Variants in TMTC2 observed in about 807,000 individuals in gnomAD.
TMTC2 encodes the protein transmembrane O-mannosyltransferase targeting cadherins 2.
A neutral mutation model predicts 82.4 loss-of-function variants in TMTC2; 43 were observed. The observed-to-expected ratio is 0.52, with a 90% CI of 0.41 to 0.67. The LOEUF (loss-of-function observed/expected upper bound fraction) is 0.67, where lower values mean the gene tolerates loss of function less well. Ranked by LOEUF, TMTC2 falls within the 30% of genes least tolerant of loss-of-function variation. The pLI is 0.00. For synonymous variants in TMTC2, 408 were observed against 381.9 expected (o/e 1.07, Z -0.80); for missense variants, 919 against 1,012.4 (o/e 0.91, Z 1.25).
At chr12:82,701,355 G>A (rs190836231) in intron 1 of TMTC2, among the ~76,000 whole-genome samples, 69 of 152,194 alleles carry the variant, frequency 4.5e-4, no homozygotes, top group Non-Finnish European at 5.4e-4. Flanking sequence ...TAAAAGCTCT[G>A]TTTGAATCCT....
In TMTC2 at chr12:82,919,985, A is replaced by G. The variant is rs189244086; in HGVS notation, c.1484-10446A>G. Among the ~76,000 whole-genome samples the G allele has an allele frequency of 1.6e-4, 25 of 151,876 alleles. No individual in the cohort carries two copies. In the East Asian group the frequency reaches 3.1e-3, roughly 19 times the overall value. Reference sequence around the variant, plus strand: ...TCTAGCCTGATTCTCCAAATTTCCAACCTCCACCCGTTATGCAGTTCCAAA... The same window carrying G: ...TCTAGCCTGATTCTCCAAATTTCCAGCCTCCACCCGTTATGCAGTTCCAAA... On this transcript the variant is annotated intron_variant, in intron 3 of 11. Coordinates refer to ENST00000321196, the MANE Select transcript of TMTC2 (RefSeq NM_152588.3).
At position 82,687,601 on chromosome 12, in the gene TMTC2, G is replaced by C. The variant is rs1373253405; in HGVS notation, c.15G>C (p.Leu5Phe). 1 of 1,600,210 alleles carries C rather than the reference G, an allele frequency of 6.2e-7. No homozygotes were observed. The highest frequency in any genetic ancestry group is 1.3e-5 in the African/African-American group (1 of 74,856). Residue 5 changes from leucine to phenylalanine, a missense_variant, in exon 1 of 12, where the codon TTG becomes TTC. Transcript: ENST00000321196. MIAE[L>F]VSSALGLALY... ...GCGGTGGAGAGATGATTGCAGAGTT[G>C]GTGAGCAGCGCTCTGGGGCTCGCCT... is the stretch of plus-strand genomic sequence containing the variant.
At chr12:83,077,479 A>C (rs915198081) in intron 11 of TMTC2, among the ~76,000 whole-genome samples, 2 of 152,162 alleles carry the variant, frequency 1.3e-5, no homozygotes, top group Non-Finnish European at 2.9e-5. Context: ...CTTCAATTCT[A>C]TATGAAGGCT....
At chr12:82,928,861 G>T (rs2137240227) in intron 3 of TMTC2, among the ~76,000 whole-genome samples, 1 of 152,292 alleles carries the variant, frequency 6.6e-6, no homozygotes, top group East Asian at 1.9e-4. Flanking sequence ...TCCATTGGAA[G>T]CAAAGAAGGT....
At chr12:82,993,693 C>T (rs1879494400) in intron 8 of TMTC2, among the ~76,000 whole-genome samples, 1 of 152,180 alleles carries the variant, frequency 6.6e-6, no homozygotes, top group East Asian at 1.9e-4. Context: ...CTCTAACCCT[C>T]ACATTGTTCA....
At chr12:82,873,328 C>A (rs1872310956) in intron 2 of TMTC2, among the ~76,000 whole-genome samples, 2 of 150,814 alleles carry the variant, frequency 1.3e-5, no homozygotes, top group Admixed American at 6.6e-5. Flanking sequence ...TGGTTAAAGT[C>A]TTGTGAAGCC....
At chr12:83,006,183 C>T (rs1880194988) in intron 8 of TMTC2, among the ~76,000 whole-genome samples, 1 of 152,134 alleles carries the variant, frequency 6.6e-6, no homozygotes, top group Non-Finnish European at 1.5e-5. Context: ...GGAGTCCTTC[C>T]TGTAGGTCGG....
rs570379473 is a variant in TMTC2, at chr12:82,763,508, C to G, written c.83+75839C>G. Among the ~76,000 whole-genome samples the G allele has an allele frequency of 2.0e-5, 3 of 152,304 alleles. No homozygotes were observed. The South Asian group carries it at 6.2e-4, about 32-fold the overall frequency. ...CCTTTGAAAACTTGAGAAAATGTTT[C>G]ATACCCAGCTCTGGTCTTTTAAAGA... On this transcript the variant is annotated intron_variant, in intron 1 of 11. Transcript: ENST00000321196.
chr12:82,917,664 C>A (rs1338820660), intron 3 of TMTC2, among the ~76,000 whole-genome samples: 1 of 151,676 alleles, frequency 6.6e-6, no homozygotes, highest in Non-Finnish European at 1.5e-5. Context: ...TGCAGTGGTA[C>A]CATTTCGTCT....
intron 1 of TMTC2, among the ~76,000 whole-genome samples, chr12:82,835,917 C>T (rs1185314154): frequency 1.3e-5 from 2 of 152,212 alleles, no homozygotes; most frequent in Non-Finnish European, 2.9e-5. Flanking sequence ...TAAAGCCCTT[C>T]TCCAGTGCTG....
intron 2 of TMTC2, among the ~76,000 whole-genome samples, chr12:82,893,985 G>T (rs1380012154): frequency 6.6e-6 from 1 of 152,224 alleles, no homozygotes; most frequent in African/African-American, 2.4e-5. Context: ...GATATATTTG[G>T]ACGTGAAAGT....
intron 1 of TMTC2, among the ~76,000 whole-genome samples, chr12:82,815,555 G>T (rs999405238): frequency 1.3e-5 from 2 of 151,846 alleles, no homozygotes; most frequent in Admixed American, 6.6e-5. Flanking sequence ...CTCATGATCC[G>T]CCCACTTCGG....
intron 8 of TMTC2, among the ~76,000 whole-genome samples, chr12:83,011,585 C>T (rs1348720692): frequency 6.6e-6 from 1 of 152,114 alleles, no homozygotes; most frequent in Non-Finnish European, 1.5e-5. Flanking sequence ...ACCATCATTG[C>T]CCACAGTATT....
At chr12:82,809,016 AAAG>A (rs59834822) in intron 1 of TMTC2, among the ~76,000 whole-genome samples, 2,746 of 150,540 alleles carry the variant, frequency 0.018, 87 homozygotes, top group African/African-American at 0.063. Flanking sequence ...TTTTTCTAGG[AAAG>A]AAGCTATCTT....
At chr12:82,784,461 A>G (rs1878076104) in intron 1 of TMTC2, among the ~76,000 whole-genome samples, 1 of 152,088 alleles carries the variant, frequency 6.6e-6, no homozygotes, top group African/African-American at 2.4e-5. Context: ...CTATGATCGC[A>G]CGGCCTGATA....
intron 1 of TMTC2, among the ~76,000 whole-genome samples, chr12:82,853,619 T>A (rs974199515): frequency 1.3e-4 from 20 of 152,208 alleles, no homozygotes; most frequent in African/African-American, 4.8e-4. Flanking sequence ...GTCATGGCAT[T>A]GAACTAATAG....
rs370844777 is a variant in TMTC2 at position 82,990,085 on chromosome 12, C to A, written c.2070+4039C>A. Among the ~76,000 whole-genome samples the A allele has an allele frequency of 4.6e-5, 7 of 152,250 alleles. No individual in the cohort carries two copies. In the East Asian group the frequency reaches 1.2e-3, roughly 25 times the overall value. On this transcript the variant is annotated intron_variant, in intron 8 of 11. Transcript: ENST00000321196. ...ATTTGCAAAGGTAGAAAATACCACACATTTTGACTTCTGAATGCTTTAAAT... is the reference window on the plus strand; with the variant it reads ...ATTTGCAAAGGTAGAAAATACCACAAATTTTGACTTCTGAATGCTTTAAAT...
rs746504622 is a variant in TMTC2, at chr12:82,857,032, G to A, written c.106G>A (p.Asp36Asn). Residue 36 changes from aspartate (D) to asparagine (N), a missense_variant, in exon 2 of 12, where the codon GAC (aspartate) becomes AAC (asparagine). Asp to Asn is a conservative substitution (Grantham distance 23, BLOSUM62 1). Coordinates refer to ENST00000321196, the MANE Select transcript of TMTC2 (RefSeq NM_152588.3). ...TAGCCGTGCTATCAAGACTAATCAG[G>A]ACCTTCTCCCAGAAACTCCATGGAC... ...DDSRAIKTNQ[D>N]LLPETPWTHI... The A allele has an allele frequency of 6.2e-7, 1 of 1,612,568 alleles. No homozygotes were observed. The highest frequency in any genetic ancestry group is 8.5e-7 in the Non-Finnish European group (1 of 1,179,948).
chr12:83,132,343 T>C lies in TMTC2; in HGVS notation c.2465T>C (p.Leu822Pro). Residue 822 changes from leucine (L) to proline (P), a missense_variant, in exon 12 of 12, where the codon CTG becomes CCG. Leu to Pro is a moderately conservative substitution (Grantham distance 98, BLOSUM62 -3). Coordinates refer to ENST00000321196, the MANE Select transcript of TMTC2 (RefSeq NM_152588.3). The part of the protein sequence containing the change: ...DVITQSNLRK[L>P]WNIMEKQGLK... ...ATCACACAGTCCAATCTCCGCAAACTGTGGAACATCATGGAAAAACAAGGC... is the reference window on the plus strand; with the variant it reads ...ATCACACAGTCCAATCTCCGCAAACCGTGGAACATCATGGAAAAACAAGGC... The C allele has an allele frequency of 6.2e-7, 1 of 1,614,056 alleles. No homozygotes were observed. Among genetic ancestry groups the C allele is most frequent in the Non-Finnish European group, 8.5e-7 (1 of 1,179,988 alleles).
Sources: gnomAD v4.1 joint callset for allele counts (sites outside exome capture counted in the v4.1 genomes callset) on GRCh38, gnomAD v4.1.1 for gene constraint, MANE v1.5 for transcripts, NCBI Gene and HGNC (gene_info 2026-07-23, HGNC 2026-07-21) for gene names.